DPP8: variants seen among roughly 807,000 people sequenced by gnomAD.
The protein encoded by DPP8 is DPP VIII.
DPP8 carries 31 observed loss-of-function variants against 107.5 expected under a neutral mutation model. The observed-to-expected ratio is 0.29, with a 90% CI of 0.22 to 0.39. The LOEUF is 0.39. Ranked by LOEUF, DPP8 falls within the 10% of genes least tolerant of loss-of-function variation. DPP8 has a pLI of 1.00. For missense variants in DPP8, 842 were observed against 1,076.1 expected, an observed-to-expected ratio of 0.78 and a Z score of 3.04; for synonymous variants, 381 against 356.6, an observed-to-expected ratio of 1.07 and a Z score of -0.77.
intron 4 of DPP8, among the ~76,000 whole-genome samples, chr15:65,498,903 A>T (rs908928372): frequency 2.6e-5 from 4 of 151,970 alleles, no homozygotes; most frequent in African/African-American, 9.7e-5. Context: ...AAAATTTTTT[A>T]AATTAGTAAT....
At chr15:65,462,248 C>A (rs1283120822) in intron 15 of DPP8, among the ~76,000 whole-genome samples, 1 of 152,200 alleles carries the variant, frequency 6.6e-6, no homozygotes, top group Non-Finnish European at 1.5e-5. Flanking sequence ...GGATTACAGG[C>A]TTGAGCCACA....
At chr15:65,454,049 A>T (rs566945878) in intron 17 of DPP8, among the ~76,000 whole-genome samples, 1 of 151,578 alleles carries the variant, frequency 6.6e-6, no homozygotes, top group African/African-American at 2.4e-5. Flanking sequence ...GAGACATGAG[A>T]ATCACTTGAA....
chr15:65,451,871 G>A, intron 18 of DPP8, 89 bp downstream of exon 18: 1 of 1,313,882 alleles, frequency 7.6e-7, no homozygotes, highest in Non-Finnish European at 1.0e-6. Context: ...GCTGCAGGGA[G>A]CCCTGATCAT....
At chr15:65,493,863 T>C (rs2068287325) in intron 5 of DPP8, among the ~76,000 whole-genome samples, 1 of 152,108 alleles carries the variant, frequency 6.6e-6, no homozygotes, top group Admixed American at 6.5e-5. Flanking sequence ...TCAAGTGGAC[T>C]TTCACTTAGA....
At chr15:65,475,604 T>C (rs964824962) in intron 11 of DPP8, 1 of 1,034,608 alleles carries the variant, frequency 9.7e-7, no homozygotes, top group Non-Finnish European at 1.5e-6. Context: ...GGTAGCCATA[T>C]CAGCTATTTC....
At chr15:65,482,608 G>A (rs1336510215) in intron 8 of DPP8, among the ~76,000 whole-genome samples, 1 of 152,020 alleles carries the variant, frequency 6.6e-6, no homozygotes, top group Non-Finnish European at 1.5e-5. Flanking sequence ...AATAGTCCTG[G>A]ATAAGCAAAG....
rs186439991 is a variant in DPP8, at chr15:65,489,191, C to G, written c.826+998G>C. Among the ~76,000 whole-genome samples the G allele has an allele frequency of 2.8e-3, 432 of 152,182 alleles. 4 individuals are homozygous for G. Among genetic ancestry groups the G allele is most frequent in the Admixed American group, 7.5e-3 (115 of 15,270 alleles). ...GGCCAGGATAGTCTCGATCTCCTGACCTCATGATCCGCCCGCCTTGGCCTC... is the reference window on the plus strand; with the variant it reads ...GGCCAGGATAGTCTCGATCTCCTGAGCTCATGATCCGCCCGCCTTGGCCTC... On this transcript the variant is annotated intron_variant, in intron 6 of 19. Transcript: ENST00000300141.
intron 2 of DPP8, among the ~76,000 whole-genome samples, chr15:65,511,529 A>G (rs1343627430): frequency 6.6e-6 from 1 of 150,576 alleles, no homozygotes; most frequent in Non-Finnish European, 1.5e-5. Flanking sequence ...GGTGGCGTGC[A>G]CCTGTAGTCC....
At chr15:65,455,734 C>A in intron 16 of DPP8, 1 of 1,267,268 alleles carries the variant, frequency 7.9e-7, no homozygotes, top group Non-Finnish European at 1.0e-6. Context: ...ATAACACTGG[C>A]AAACACAGTA....
At chr15:65,478,218 G>A (rs2066582250) in intron 11 of DPP8, among the ~76,000 whole-genome samples, 1 of 152,142 alleles carries the variant, frequency 6.6e-6, no homozygotes, top group African/African-American at 2.4e-5. Flanking sequence ...CATCTAGTGT[G>A]TAAAAATATC....
intron 16 of DPP8, 33 bp downstream of exon 16, chr15:65,456,192 T>C: frequency 6.3e-7 from 1 of 1,596,574 alleles, no homozygotes; most frequent in African/African-American, 1.4e-5. Context: ...AATGTAAATG[T>C]CTGTAAAAGA....
chr15:65,515,643 C>T, intron 1 of DPP8: 1 of 1,613,166 alleles, frequency 6.2e-7, no homozygotes. Context: ...TAAGTAGTTT[C>T]CCTGGTGCCT....
chr15:65,466,890 A>T, intron 13 of DPP8, 77 bp from the exon 14 acceptor site: 1 of 1,451,722 alleles, frequency 6.9e-7, no homozygotes, highest in Non-Finnish European at 9.5e-7. Flanking sequence ...TGCACTAATG[A>T]TATAGCAAGA....
chr15:65,454,434 C>T lies in DPP8; in HGVS notation c.2119-19G>A, dbSNP rs774528179. 3 of 1,578,270 alleles carry T rather than the reference C, an allele frequency of 1.9e-6. No individual in the cohort carries two copies. The highest frequency in any genetic ancestry group is 1.4e-5 in the African/African-American group (1 of 72,552). ...TTTGACCCTGTCAAAAAAGGGAGAA[C>T]ATTTCACTGATTCTGATGAATAAAA... is the stretch of plus-strand genomic sequence containing the variant. On this transcript the variant is annotated intron_variant, in intron 16 of 19. Transcript: ENST00000300141.
At position 65,485,682 on chromosome 15, in the gene DPP8, G is replaced by A. The variant is rs145115593; in HGVS notation, c.956-522C>T. ...AAGTCAAGAGTAACGTATATGCCAG[G>A]CATGCTGTCTCACGCCTGTAATCCC... On this transcript the variant is annotated intron_variant, in intron 7 of 19. Transcript: ENST00000300141. Among the ~76,000 whole-genome samples, 415 of 152,142 alleles carry A rather than the reference G, an allele frequency of 2.7e-3. 2 individuals carry two copies. Among genetic ancestry groups the A allele is most frequent in the African/African-American group, 9.9e-3 (410 of 41,520 alleles).
intron 3 of DPP8, among the ~76,000 whole-genome samples, chr15:65,502,006 C>T (rs921144932): frequency 6.6e-6 from 1 of 152,174 alleles, no homozygotes; most frequent in African/African-American, 2.4e-5. Flanking sequence ...TCTCATGCCT[C>T]AGCCTCCTGA....
At chr15:65,514,499 G>T (rs2071196609) in intron 1 of DPP8, among the ~76,000 whole-genome samples, 1 of 152,050 alleles carries the variant, frequency 6.6e-6, no homozygotes, top group African/African-American at 2.4e-5. Context: ...AACCAGTTTT[G>T]TTGTTGTTGC....
intron 11 of DPP8, 135 bp downstream of exon 11, chr15:65,478,745 T>C (rs1464684328): frequency 1.7e-6 from 1 of 598,378 alleles, no homozygotes; most frequent in Admixed American, 3.8e-5. Flanking sequence ...ATTTATGTTT[T>C]AGTTTAACTT....
chr15:65,451,760 A>T (rs2063993011), intron 18 of DPP8, among the ~76,000 whole-genome samples, 200 bp downstream of exon 18: 1 of 151,882 alleles, frequency 6.6e-6, no homozygotes, highest in Admixed American at 6.6e-5. Flanking sequence ...CCCTGACTCT[A>T]CTAAAAATAC....
Sources: allele counts gnomAD v4.1 joint callset (sites outside exome capture counted in the v4.1 genomes callset), GRCh38; gene constraint gnomAD v4.1.1; transcripts MANE v1.5; gene names NCBI Gene and HGNC (gene_info 2026-07-23, HGNC 2026-07-21).